The following DMD variants were observed in gnomAD, a reference collection of about 807,000 sequenced individuals.
DMD encodes the protein dystrophin, also known as mutant dystrophin.
A neutral mutation model predicts 330.1 loss-of-function variants in DMD; 63 were observed. The observed-to-expected ratio is 0.19, with a 90% CI of 0.16 to 0.24. DMD has a LOEUF of 0.24. Ranked by LOEUF, DMD falls within the 10% of genes least tolerant of loss-of-function variation. The probability of loss-of-function intolerance (pLI) is 1.00; values close to 1 mark genes in which losing one functional copy is unlikely to be tolerated. For missense variants in DMD, 3,344 were observed against 2,684.1 expected, an observed-to-expected ratio of 1.25 and a Z score of -5.43; for synonymous variants, 1,223 against 959.8, an observed-to-expected ratio of 1.27 and a Z score of -5.07.
intron 28 of DMD, among the ~76,000 whole-genome samples, 194 bp from the exon 29 acceptor site, chrX:32,438,584 A>T (rs2098270078): frequency 9.0e-6 from 1 of 111,731 alleles, no homozygotes; most frequent in Non-Finnish European, 1.9e-5. Flanking sequence ...ATGAATCTTC[A>T]TGGGATTATG....
intron 18 of DMD, 104 bp downstream of exon 18, chrX:32,517,901 TATC>T: frequency 7.9e-6 from 7 of 887,889 alleles, no homozygotes; most frequent in Non-Finnish European, 1.2e-5. Context: ...AACAGCATTT[TATC>T]ATATCGCATT....
chrX:31,469,132 T>C (rs1400626310), intron 59 of DMD, among the ~76,000 whole-genome samples: 1 of 111,383 alleles, frequency 9.0e-6, no homozygotes, highest in Admixed American at 9.6e-5. Flanking sequence ...AATTTGCCAG[T>C]CTGTGTCTTT....
intron 17 of DMD, among the ~76,000 whole-genome samples, chrX:32,531,759 T>TA (rs201244113): frequency 1.9e-5 from 2 of 107,198 alleles, no homozygotes; most frequent in African/African-American, 3.4e-5. Context: ...AAACCCATCT[T>TA]AAAAAAAAAA....
At position 33,175,864 on chromosome X, in the gene DMD, C is replaced by A. The variant is rs188634463; in HGVS notation, c.31+35418G>T. 5.4e-5 allele frequency among the ~76,000 whole-genome samples: 6 copies of A among 111,758 alleles called. No homozygotes were observed. In the East Asian group the frequency reaches 1.1e-3, roughly 21 times the overall value. ...ATGTATTATTTTATTAAATGTATAT[C>A]ATGTTCCAGACCTTATTATATGCTA... On this transcript the variant is annotated intron_variant, in intron 1 of 78. Coordinates refer to ENST00000357033, the MANE Select transcript of DMD (RefSeq NM_004006.3).
chrX:31,355,189 T>C (rs781089061), intron 60 of DMD, among the ~76,000 whole-genome samples: 1 of 112,473 alleles, frequency 8.9e-6, no homozygotes, highest in Admixed American at 9.4e-5. Flanking sequence ...TAACTTTGTT[T>C]TAGATTCTCA....
At chrX:31,124,343 C>G (rs919689474) in intron 78 of DMD, among the ~76,000 whole-genome samples, 20 of 111,953 alleles carry the variant, frequency 1.8e-4, no homozygotes, top group African/African-American at 5.5e-4. Flanking sequence ...AAGTCAATCT[C>G]TTTTTACAAA....
chrX:32,397,906 T>G (rs1048358893), intron 30 of DMD, among the ~76,000 whole-genome samples: 29 of 110,810 alleles, frequency 2.6e-4, no homozygotes, highest in African/African-American at 6.8e-4. Flanking sequence ...AAGGAAAAAT[T>G]TAGAGAAAAT....
chrX:31,635,179 T>C (rs941143768), intron 54 of DMD, among the ~76,000 whole-genome samples: 3 of 111,870 alleles, frequency 2.7e-5, no homozygotes, highest in African/African-American at 9.7e-5. Flanking sequence ...ACACTTAAAA[T>C]TGGTGTTGAC....
intron 1 of DMD, among the ~76,000 whole-genome samples, chrX:33,337,881 C>A (rs1293361630): frequency 9.0e-6 from 1 of 111,720 alleles, no homozygotes; most frequent in Non-Finnish European, 1.9e-5. Flanking sequence ...TGGGATATTA[C>A]AATTACTACA....
intron 29 of DMD, among the ~76,000 whole-genome samples, chrX:32,416,610 A>C (rs2098166919): frequency 8.9e-6 from 1 of 112,006 alleles, no homozygotes; most frequent in Non-Finnish European, 1.9e-5. Context: ...GTTTCTGCTT[A>C]GGGTAGTGCA....
chrX:32,797,547 C>T (rs1383293692), intron 7 of DMD, among the ~76,000 whole-genome samples: 1 of 112,182 alleles, frequency 8.9e-6, no homozygotes, highest in African/African-American at 3.2e-5. Flanking sequence ...CTGAATCAAA[C>T]CTAATATCTC....
chrX:31,161,585 T>A (rs1005304437), intron 74 of DMD, among the ~76,000 whole-genome samples: 1 of 111,185 alleles, frequency 9.0e-6, no homozygotes, highest in Non-Finnish European at 1.9e-5. Flanking sequence ...AAACTTTCCG[T>A]AACACCAGAT....
intron 1 of DMD, among the ~76,000 whole-genome samples, chrX:33,055,242 C>G (rs1430023256): frequency 9.0e-6 from 1 of 111,606 alleles, no homozygotes; most frequent in Non-Finnish European, 1.9e-5. Context: ...ACAATCAATA[C>G]TACAGAGTGG....
At position 31,833,273 on chromosome X, in the gene DMD, G is replaced by GGAGAGAGA. The variant is rs1248049970; in HGVS notation, c.7200+3437_7200+3444dup. On this transcript the variant is annotated intron_variant, in intron 49 of 78. Coordinates refer to ENST00000357033, the MANE Select transcript of DMD (RefSeq NM_004006.3). Reference sequence around the variant, plus strand: ...ATGTGTGTAGATGGGGGAGGAAGGGGGAGAGAGAGAGAGAGAGAGGGAGAG... The same window carrying GGAGAGAGA: ...ATGTGTGTAGATGGGGGAGGAAGGGGGAGAGAGAGAGAGAGAGAGAGAGAGAGGGAGAG... Among the ~76,000 whole-genome samples, 258 of 49,810 alleles carry GGAGAGAGA rather than the reference G, an allele frequency of 5.2e-3. 12 individuals carry two copies. Among genetic ancestry groups the GGAGAGAGA allele is most frequent in the East Asian group, 0.011 (11 of 964 alleles). 43.3% of individuals were successfully genotyped at this position (49,810 alleles called of 115,157 possible). A position where few individuals can be genotyped will look rare whatever the true frequency, so the allele number is the denominator to read the frequency against.
At position 31,220,964 on chromosome X, in the gene DMD, T is replaced by C. The variant is rs188760095; in HGVS notation, c.9361+2083A>G. Among the ~76,000 whole-genome samples, 853 of 92,002 alleles carry C rather than the reference T, an allele frequency of 9.3e-3. 10 individuals are homozygous for C. Among genetic ancestry groups the C allele is most frequent in the African/African-American group, 0.033 (796 of 24,044 alleles). The allele number at this position is 92,002 out of a possible 115,157, so 79.9% of individuals were successfully genotyped here. A position where few individuals can be genotyped will look rare whatever the true frequency, so the allele number is the denominator to read the frequency against. ...TAGCGTTAGTGTATTTTATGTGGGGTCCAAGACAATTCTTCTTCCACTGTG... is the reference window on the plus strand; with the variant it reads ...TAGCGTTAGTGTATTTTATGTGGGGCCCAAGACAATTCTTCTTCCACTGTG... On this transcript the variant is annotated intron_variant, in intron 64 of 78. Coordinates refer to ENST00000357033, the MANE Select transcript of DMD (RefSeq NM_004006.3).
chrX:33,128,320 C>G lies in DMD; in HGVS notation c.31+82962G>C, dbSNP rs983499894. On this transcript the variant is annotated intron_variant, in intron 1 of 78. Transcript: ENST00000357033. ...GATAAAGCAGGCACAGAATCTCTGA[C>G]CAGCCTCACAAAAGCAGACAAACAC... The G allele has an allele frequency of 6.8e-6, 7 of 1,033,714 alleles. No homozygotes were observed. The South Asian group carries it at 1.6e-4, about 24-fold the overall frequency. 85.2% of individuals were successfully genotyped at this position (1,033,714 alleles called of 1,213,427 possible).
At chrX:32,650,016 A>T (rs952958230) in intron 9 of DMD, among the ~76,000 whole-genome samples, 3 of 111,248 alleles carry the variant, frequency 2.7e-5, no homozygotes, top group African/African-American at 9.8e-5. Context: ...AATGATTTTT[A>T]TGGGGAAACA....
intron 49 of DMD, among the ~76,000 whole-genome samples, chrX:31,826,327 C>G (rs1421449444): frequency 1.8e-5 from 2 of 112,066 alleles, no homozygotes; most frequent in African/African-American, 3.2e-5. Context: ...AAGCTCAGAA[C>G]TGTATAATTT....
intron 55 of DMD, among the ~76,000 whole-genome samples, chrX:31,605,236 A>T (rs2077554383): frequency 8.9e-6 from 1 of 111,921 alleles, no homozygotes; most frequent in Non-Finnish European, 1.9e-5. Flanking sequence ...AGTAAATGAC[A>T]GTTGCCATAA....
Sources: gnomAD v4.1 joint callset for allele counts (sites outside exome capture counted in the v4.1 genomes callset) on GRCh38, gnomAD v4.1.1 for gene constraint, MANE v1.5 for transcripts, NCBI Gene and HGNC (gene_info 2026-07-23, HGNC 2026-07-21) for gene names.